FOXP1: variants seen among roughly 807,000 people sequenced by gnomAD.
The protein encoded by FOXP1 is forkhead box protein P1.
FOXP1 carries 15 observed loss-of-function variants against 98.2 expected under a neutral mutation model. That is an observed-to-expected ratio of 0.15 (90% CI 0.10 to 0.24). FOXP1 has a LOEUF of 0.24. Among genes scored for constraint, FOXP1 ranks in the 10% least tolerant of loss-of-function variants. The pLI is 1.00. For synonymous variants in FOXP1, 371 were observed against 314.5 expected (o/e 1.18, Z -1.90); for missense variants, 633 against 848.5 (o/e 0.75, Z 3.15).
chr3:71,402,146 G>A (rs2081994189), intron 3 of FOXP1, among the ~76,000 whole-genome samples: 1 of 152,142 alleles, frequency 6.6e-6, no homozygotes, highest in African/African-American at 2.4e-5. Flanking sequence ...TGCCAAAGAT[G>A]TTTATTGCTT....
At chr3:71,153,866 G>C (rs1192169216) in intron 6 of FOXP1, among the ~76,000 whole-genome samples, 1 of 152,278 alleles carries the variant, frequency 6.6e-6, no homozygotes, top group East Asian at 1.9e-4. Flanking sequence ...CTAAAGGTGT[G>C]TTTTCAGAGG....
intron 3 of FOXP1, among the ~76,000 whole-genome samples, chr3:71,442,998 T>A (rs2086087862): frequency 6.6e-6 from 1 of 152,208 alleles, no homozygotes. Context: ...TTCAAGAGGT[T>A]CTCCTTCCTC....
At chr3:71,169,404 T>G (rs928201996) in intron 6 of FOXP1, among the ~76,000 whole-genome samples, 10 of 152,160 alleles carry the variant, frequency 6.6e-5, no homozygotes, top group Admixed American at 4.6e-4. Flanking sequence ...TCTGGTAGAT[T>G]TCACATTCAC....
chr3:71,335,432 G>A (rs1484809479), intron 4 of FOXP1, among the ~76,000 whole-genome samples: 1 of 152,090 alleles, frequency 6.6e-6, no homozygotes, highest in Non-Finnish European at 1.5e-5. Flanking sequence ...ATAAGCAGAT[G>A]GGCAATTATG....
chr3:71,470,703 C>T (rs1365663180), intron 3 of FOXP1, among the ~76,000 whole-genome samples: 1 of 151,970 alleles, frequency 6.6e-6, no homozygotes. Context: ...ACACCACTGC[C>T]CTCCAGCCTG....
chr3:71,206,090 T>C (rs1337731064), intron 5 of FOXP1, among the ~76,000 whole-genome samples: 2 of 152,330 alleles, frequency 1.3e-5, no homozygotes, highest in South Asian at 2.1e-4. Context: ...ATCTTTTATC[T>C]CAAGTTTAAC....
intron 6 of FOXP1, among the ~76,000 whole-genome samples, chr3:71,150,756 C>T (rs753385356): frequency 1.3e-5 from 2 of 151,890 alleles, no homozygotes; most frequent in East Asian, 2.0e-4. Context: ...GAATCTTTAC[C>T]GCAAGCAGAT....
At chr3:71,149,634 A>G (rs902794701) in intron 6 of FOXP1, among the ~76,000 whole-genome samples, 2 of 152,222 alleles carry the variant, frequency 1.3e-5, no homozygotes, top group Admixed American at 1.3e-4. Context: ...TTGCTATTAA[A>G]AAAAGACAGA....
chr3:70,955,941 T>C lies in FOXP1; in HGVS notation c.*3306A>G. The C allele has an allele frequency of 4.3e-6, 1 of 232,928 alleles. No homozygotes were observed. The highest frequency in any genetic ancestry group is 6.0e-5 in the East Asian group (1 of 16,562). 14.4% of individuals were successfully genotyped at this position (232,928 alleles called of 1,614,324 possible). Reference sequence around the variant, plus strand: ...ACAGTTTAAAAGCAGAAAAAAAAAGTTAGGGAGTTTCTCCCTCCCACATGT... The same window carrying C: ...ACAGTTTAAAAGCAGAAAAAAAAAGCTAGGGAGTTTCTCCCTCCCACATGT... On this transcript the variant is annotated 3_prime_UTR_variant, in exon 21 of 21. Coordinates refer to ENST00000649528, the MANE Select transcript of FOXP1 (RefSeq NM_001349338.3).
chr3:71,002,513 G>T (rs946995010), intron 12 of FOXP1, among the ~76,000 whole-genome samples: 7 of 152,206 alleles, frequency 4.6e-5, no homozygotes, highest in Non-Finnish European at 1.0e-4. Context: ...TTCACATGCT[G>T]CTCACTCACC....
At chr3:71,362,240 C>T (rs752418728) in intron 3 of FOXP1, among the ~76,000 whole-genome samples, 2 of 152,152 alleles carry the variant, frequency 1.3e-5, no homozygotes, top group African/African-American at 4.8e-5. Flanking sequence ...GGTATGATCT[C>T]GGCTCACTGC....
chr3:71,359,054 T>C (rs1007589953), intron 4 of FOXP1, 96 bp downstream of exon 4: 1 of 152,180 alleles, frequency 6.6e-6, no homozygotes, highest in African/African-American at 2.4e-5. Flanking sequence ...AAGGCCATTA[T>C]CTTCTGCAGG....
At chr3:71,089,468 C>T (rs755249256) in intron 7 of FOXP1, among the ~76,000 whole-genome samples, 1 of 152,198 alleles carries the variant, frequency 6.6e-6, no homozygotes, top group African/African-American at 2.4e-5. Context: ...TCCCCTATCT[C>T]TGACTCACAG....
At chr3:71,210,153 T>A (rs2064344434) in intron 5 of FOXP1, among the ~76,000 whole-genome samples, 2 of 152,242 alleles carry the variant, frequency 1.3e-5, no homozygotes, top group Non-Finnish European at 2.9e-5. Flanking sequence ...ACAAAAATTG[T>A]GTTGGTCTGC....
intron 10 of FOXP1, among the ~76,000 whole-genome samples, chr3:71,043,740 C>CT (rs2048659787): frequency 6.6e-6 from 1 of 152,182 alleles, no homozygotes; most frequent in African/African-American, 2.4e-5. Context: ...GTCCTAACAA[C>CT]TGTGTTAACT....
intron 2 of FOXP1, among the ~76,000 whole-genome samples, chr3:71,525,366 C>A (rs903303961): frequency 1.3e-5 from 2 of 152,110 alleles, no homozygotes; most frequent in Non-Finnish European, 2.9e-5. Flanking sequence ...TAAGAAATTC[C>A]CTAATTTTCA....
chr3:71,310,059 G>T (rs1466851364), intron 4 of FOXP1, among the ~76,000 whole-genome samples: 1 of 152,134 alleles, frequency 6.6e-6, no homozygotes, highest in East Asian at 1.9e-4. Context: ...ACATTCACTG[G>T]AATTTTTCCT....
intron 13 of FOXP1, among the ~76,000 whole-genome samples, chr3:70,991,229 G>C (rs978016404): frequency 2.0e-5 from 3 of 152,112 alleles, no homozygotes; most frequent in African/African-American, 7.2e-5. Flanking sequence ...GCAAAGGAAA[G>C]ATGAAGCCCA....
intron 12 of FOXP1, among the ~76,000 whole-genome samples, chr3:71,005,279 C>A (rs1485776164): frequency 1.3e-5 from 1 of 75,864 alleles, no homozygotes; most frequent in Non-Finnish European, 2.5e-5. Context: ...TGAATAGAAA[C>A]TGAATCAGAG....
Sources: gnomAD v4.1 joint callset for allele counts (sites outside exome capture counted in the v4.1 genomes callset) on GRCh38, gnomAD v4.1.1 for gene constraint, MANE v1.5 for transcripts, NCBI Gene and HGNC (gene_info 2026-07-23, HGNC 2026-07-21) for gene names.